The following UNC80 variants were observed in gnomAD, a reference collection of about 807,000 sequenced individuals.
UNC80 encodes protein unc-80 homolog.
Under a neutral mutation model 384.6 loss-of-function variants are expected in UNC80, and 164 were observed. The observed-to-expected ratio is 0.43, with a 90% CI of 0.38 to 0.49. UNC80 has a LOEUF of 0.49. Among genes scored for constraint, UNC80 ranks in the 20% least tolerant of loss-of-function variants. UNC80 has a pLI of 0.00. For synonymous variants in UNC80, 1,486 were observed against 1,527.8 expected, an observed-to-expected ratio of 0.97 and a Z score of 0.64; for missense variants, 3,330 against 4,143.0, an observed-to-expected ratio of 0.80 and a Z score of 5.39.
At chr2:209,776,709 C>T (rs1448026867) in intron 3 of UNC80, among the ~76,000 whole-genome samples, 1 of 152,234 alleles carries the variant, frequency 6.6e-6, no homozygotes, top group African/African-American at 2.4e-5. Flanking sequence ...AGCAACCACT[C>T]TCATGAACTG....
intron 31 of UNC80, among the ~76,000 whole-genome samples, chr2:209,916,381 A>C (rs2089537871): frequency 6.6e-6 from 1 of 152,232 alleles, no homozygotes; most frequent in African/African-American, 2.4e-5. Flanking sequence ...TGAAGGTATT[A>C]AAAACTGAAA....
chr2:209,895,352 C>T (rs986445615), intron 27 of UNC80, among the ~76,000 whole-genome samples: 3 of 152,110 alleles, frequency 2.0e-5, no homozygotes, highest in Non-Finnish European at 4.4e-5. Context: ...GATAAATTAT[C>T]GATCAAGTCT....
In UNC80 at chr2:209,976,010, C is replaced by A; in HGVS notation, c.8588-109C>A. The A allele has an allele frequency of 1.6e-6, 2 of 1,223,432 alleles. No individual in the cohort carries two copies. The highest frequency in any genetic ancestry group is 2.2e-6 in the Non-Finnish European group (2 of 904,846). The allele number at this position is 1,223,432 out of a possible 1,614,324, so 75.8% of individuals were successfully genotyped here. On this transcript the variant is annotated intron_variant, in intron 56 of 64. Transcript: ENST00000673920. The surrounding 1 kb of genome is among the most constrained non-coding windows in gnomAD (Gnocchi z 4.3). ...GAAGTTTTTAGAAACATGGAGAGAG[C>A]TTAGAAATTTAGAAAATTTCTAAAG...
intron 7 of UNC80, among the ~76,000 whole-genome samples, chr2:209,805,799 A>G (rs954695068): frequency 2.0e-5 from 3 of 152,214 alleles, no homozygotes; most frequent in Non-Finnish European, 4.4e-5. Context: ...GAAATGACAT[A>G]CCATCAATTC....
At chr2:209,852,664 A>G (rs564320472) in intron 22 of UNC80, among the ~76,000 whole-genome samples, 1 of 152,186 alleles carries the variant, frequency 6.6e-6, no homozygotes, top group South Asian at 2.1e-4. Flanking sequence ...TCAAAGCAGC[A>G]TTTGGTGTTT....
intron 22 of UNC80, among the ~76,000 whole-genome samples, chr2:209,856,136 T>C (rs1226363766): frequency 6.6e-6 from 1 of 152,122 alleles, no homozygotes; most frequent in Non-Finnish European, 1.5e-5. Flanking sequence ...CACTGTATTG[T>C]CCAATATTTT....
At chr2:209,838,009 G>C (rs2081457249) in intron 18 of UNC80, among the ~76,000 whole-genome samples, 1 of 152,062 alleles carries the variant, frequency 6.6e-6, no homozygotes, top group African/African-American at 2.4e-5. Flanking sequence ...CTGACCTCAT[G>C]ATCCGCCTGC....
rs1290709362 is a variant in UNC80, at chr2:209,779,548, C to A, written c.600+1989C>A. Among the ~76,000 whole-genome samples the A allele has an allele frequency of 2.0e-5, 3 of 152,176 alleles. No homozygotes were observed. The East Asian group carries it at 5.8e-4, about 29-fold the overall frequency. ...TGCATTTGTCTGCATGTTTGTTGCCCTTCACCCTCACTGAACAGAGGTCCT... is the reference window on the plus strand; with the variant it reads ...TGCATTTGTCTGCATGTTTGTTGCCATTCACCCTCACTGAACAGAGGTCCT... On this transcript the variant is annotated intron_variant, in intron 4 of 64. Transcript: ENST00000673920.
intron 7 of UNC80, among the ~76,000 whole-genome samples, chr2:209,802,764 G>T (rs1213647231): frequency 1.3e-5 from 2 of 152,066 alleles, no homozygotes; most frequent in African/African-American, 2.4e-5. Context: ...CTGCTTCAGG[G>T]TCTTACCAAG....
intron 9 of UNC80, among the ~76,000 whole-genome samples, chr2:209,816,372 T>C (rs1227064649): frequency 6.6e-6 from 1 of 152,228 alleles, no homozygotes; most frequent in Non-Finnish European, 1.5e-5. Context: ...ATGTATGGTC[T>C]GTATCTTCTT....
In UNC80 at chr2:209,969,749, C is replaced by T. The variant is rs546290760; in HGVS notation, c.8007-19C>T. On this transcript the variant is annotated intron_variant, in intron 52 of 64. Coordinates refer to ENST00000673920, the MANE Select transcript of UNC80 (RefSeq NM_001371986.1). ...CAGAAGGGAGCCAAGACGCTAATGGCGCCTATATTGTATTCCAGGCGACAG... is the reference window on the plus strand; with the variant it reads ...CAGAAGGGAGCCAAGACGCTAATGGTGCCTATATTGTATTCCAGGCGACAG... 5.9e-5 allele frequency: 92 copies of T among 1,551,350 alleles called. No homozygotes were observed. Among genetic ancestry groups the T allele is most frequent in the Non-Finnish European group, 7.5e-5 (86 of 1,146,826 alleles).
chr2:209,874,921 G>A (rs1009436757), intron 23 of UNC80, among the ~76,000 whole-genome samples: 16 of 152,006 alleles, frequency 1.1e-4, no homozygotes, highest in Middle Eastern at 3.4e-3. Context: ...TGATACCACC[G>A]TCATCTGAGA....
At chr2:209,811,702 A>G (rs910225743) in intron 7 of UNC80, among the ~76,000 whole-genome samples, 1 of 152,198 alleles carries the variant, frequency 6.6e-6, no homozygotes, top group Non-Finnish European at 1.5e-5. Flanking sequence ...TTCAGTTTAT[A>G]TTTATTTCCT....
intron 25 of UNC80, among the ~76,000 whole-genome samples, chr2:209,882,353 G>A (rs1279081613): frequency 7.2e-5 from 11 of 152,124 alleles, no homozygotes; most frequent in African/African-American, 2.7e-4. Context: ...GTGAAAGAAT[G>A]GGGGTTCCGG....
chr2:209,941,117 G>T, intron 43 of UNC80, 104 bp from the exon 44 acceptor site: 1 of 1,365,528 alleles, frequency 7.3e-7, no homozygotes, highest in Admixed American at 2.9e-5. Context: ...ACATCCTGGA[G>T]CTGGAACAAA....
intron 38 of UNC80, among the ~76,000 whole-genome samples, chr2:209,933,252 C>T (rs1395192117): frequency 6.6e-6 from 1 of 151,994 alleles, no homozygotes; most frequent in Non-Finnish European, 1.5e-5. Context: ...AAAGAGCACA[C>T]AGTTTTTCAA....
intron 9 of UNC80, among the ~76,000 whole-genome samples, chr2:209,816,703 C>T (rs749594709): frequency 6.6e-5 from 10 of 152,166 alleles, no homozygotes; most frequent in African/African-American, 9.7e-5. Context: ...GAAAGGCCCA[C>T]GGAATACATG....
At chr2:209,920,980 A>G (rs915743938) in intron 33 of UNC80, among the ~76,000 whole-genome samples, 3 of 152,088 alleles carry the variant, frequency 2.0e-5, no homozygotes, top group African/African-American at 7.2e-5. Flanking sequence ...GGCTTGCGCC[A>G]CCACGCCCAG....
intron 30 of UNC80, 23 bp from the exon 31 acceptor site, chr2:209,913,779 A>G: frequency 1.3e-6 from 2 of 1,535,694 alleles, no homozygotes. Flanking sequence ...AGATTTTAAA[A>G]CATGATTTCC....
Sources: allele counts gnomAD v4.1 joint callset (sites outside exome capture counted in the v4.1 genomes callset), GRCh38; gene constraint gnomAD v4.1.1; non-coding constraint Gnocchi (gnomAD v3.1); transcripts MANE v1.5; gene names NCBI Gene and HGNC (gene_info 2026-07-23, HGNC 2026-07-21).